AGK: variants seen among roughly 807,000 people sequenced by gnomAD.
AGK encodes the protein acylglycerol kinase, mitochondrial.
AGK carries 52 observed loss-of-function variants against 66.4 expected under a neutral mutation model. The ratio of observed to expected loss-of-function variants is 0.78; its 90% CI spans 0.63 to 0.99. AGK has a LOEUF of 0.99. Ranked by LOEUF, AGK falls within the 50% of genes least tolerant of loss-of-function variation. AGK has a pLI of 0.00. For synonymous variants in AGK, 182 were observed against 181.1 expected (o/e 1.00, Z -0.04); for missense variants, 451 against 506.6 (o/e 0.89, Z 1.05).
chr7:141,597,889 TCAAAAAAAAAAAAAAA>T (rs1796259942), intron 4 of AGK, among the ~76,000 whole-genome samples: 1 of 25,716 alleles, frequency 3.9e-5, no homozygotes, highest in African/African-American at 2.0e-4. Context: ...AGACTCTGTC[TCAAAAAAAAAAAAAAA>T]AAAAAAAAAA....
chr7:141,557,804 T>G (rs1034398901), intron 2 of AGK, among the ~76,000 whole-genome samples: 2 of 152,250 alleles, frequency 1.3e-5, no homozygotes, highest in East Asian at 3.8e-4. Context: ...CAGACTGTTC[T>G]CTTGCATGAT....
At chr7:141,626,774 C>A (rs1315585309) in intron 9 of AGK, among the ~76,000 whole-genome samples, 2 of 152,042 alleles carry the variant, frequency 1.3e-5, no homozygotes, top group Non-Finnish European at 2.9e-5. Flanking sequence ...AACTGCAGTA[C>A]AAGAGCCTGA....
chr7:141,581,926 A>C (rs1795888586), intron 2 of AGK, among the ~76,000 whole-genome samples: 1 of 151,992 alleles, frequency 6.6e-6, no homozygotes, highest in African/African-American at 2.4e-5. Flanking sequence ...CACAACAGTT[A>C]TGGGGGCAAG....
chr7:141,596,491 A>G (rs1159886668), intron 3 of AGK, 71 bp from the exon 4 acceptor site: 3 of 1,381,708 alleles, frequency 2.2e-6, no homozygotes, highest in East Asian at 2.3e-5. Flanking sequence ...TTTTTTTGGA[A>G]TGAAAGAATA....
rs863223894 is a variant in AGK, at chr7:141,651,526, A to G, written c.1048A>G (p.Ser350Gly). Residue 350 changes from serine (S) to glycine (G), a missense_variant and splice_region_variant, in exon 15 of 16, where the codon AGT becomes GGT. Transcript: ENST00000649286. ...ISKGDFITIG[S>G]RKVRNPKLHV... ...GCTTGCTTTTTCCTGTGCTCACAGA[A>G]GTCGAAAGGTGAGAAACCCCAAGCT... 9.9e-6 allele frequency: 16 copies of G among 1,614,206 alleles called. No homozygotes were observed. Among genetic ancestry groups the G allele is most frequent in the Non-Finnish European group, 1.4e-5 (16 of 1,180,010 alleles).
At chr7:141,602,643 T>C (rs1166281472) in intron 5 of AGK, among the ~76,000 whole-genome samples, 5 of 152,094 alleles carry the variant, frequency 3.3e-5, no homozygotes. Flanking sequence ...TTTTGGCTTA[T>C]TGATCCTCTC....
Position 141,641,824 on chromosome 7 carries a change from G to A in AGK, c.891G>A (p.Glu297=). Reference sequence around the variant, plus strand: ...GGATTCCCACAGCCCTTTCCCAAGAGGTGAGCCCGGAGGTCTGGAAAGATG... The same window carrying A: ...GGATTCCCACAGCCCTTTCCCAAGAAGTGAGCCCGGAGGTCTGGAAAGATG... The part of the protein sequence containing the change: ...WAQPQDALSQ[E]VSPEVWKDVQ... Residue 297 remains glutamate (E), a synonymous_variant, in exon 13 of 16, where the codon GAG becomes GAA. Coordinates refer to ENST00000649286, the MANE Select transcript of AGK (RefSeq NM_018238.4). The A allele has an allele frequency of 2.5e-6, 4 of 1,578,644 alleles. No individual in the cohort carries two copies. The highest frequency in any genetic ancestry group is 3.4e-6 in the Non-Finnish European group (4 of 1,161,002).
chr7:141,629,693 T>C (rs757956064), intron 9 of AGK, among the ~76,000 whole-genome samples: 2 of 152,126 alleles, frequency 1.3e-5, no homozygotes, highest in Non-Finnish European at 2.9e-5. Context: ...CATTCTCACC[T>C]TTTGCTAGGA....
At chr7:141,566,540 C>G (rs939397220) in intron 2 of AGK, among the ~76,000 whole-genome samples, 1 of 152,206 alleles carries the variant, frequency 6.6e-6, no homozygotes, top group African/African-American at 2.4e-5. Flanking sequence ...GTTACTCTTT[C>G]AATTTCTACA....
rs891206818 is a variant in AGK, at chr7:141,598,007, CAAGA to C, written c.221+1371_221+1374del. Among the ~76,000 whole-genome samples, 1 of 146,202 alleles carries C rather than the reference CAAGA, an allele frequency of 6.8e-6. No individual in the cohort carries two copies. Among genetic ancestry groups the C allele is most frequent in the African/African-American group, 2.6e-5 (1 of 38,814 alleles). On this transcript the variant is annotated intron_variant, in intron 4 of 15. Coordinates refer to ENST00000649286, the MANE Select transcript of AGK (RefSeq NM_018238.4). This position sits in a 1 kb window ranked among gnomAD's most constrained non-coding sequence, Gnocchi z 4.2. ...GACATTAAGGTAATAAGAACAACAA[CAAGA>C]AAGATAGTTTGGGCTGAATTGTAAG...
chr7:141,610,455 C>A (rs1796561291), intron 5 of AGK, among the ~76,000 whole-genome samples: 1 of 152,034 alleles, frequency 6.6e-6, no homozygotes, highest in Non-Finnish European at 1.5e-5. Context: ...TTATTGGTGG[C>A]TTAAATGGTT....
chr7:141,633,744 T>C (rs1320081334), intron 9 of AGK, among the ~76,000 whole-genome samples, 157 bp from the exon 10 acceptor site: 1 of 152,246 alleles, frequency 6.6e-6, no homozygotes, highest in Non-Finnish European at 1.5e-5. Flanking sequence ...GTATTTTTAC[T>C]AAGCACTCAC....
chr7:141,607,996 AC>A (rs1796500445), intron 5 of AGK, among the ~76,000 whole-genome samples: 2 of 151,868 alleles, frequency 1.3e-5, no homozygotes, highest in South Asian at 4.2e-4. Flanking sequence ...TTATTCATAC[AC>A]CTTTTCACAT....
intron 2 of AGK, among the ~76,000 whole-genome samples, chr7:141,580,265 G>C (rs1343155652): frequency 1.3e-5 from 2 of 151,916 alleles, no homozygotes; most frequent in Non-Finnish European, 2.9e-5. Context: ...AGGTAGTGGA[G>C]TGGGGGCAGA....
chr7:141,591,438 G>T (rs149128291), intron 2 of AGK, among the ~76,000 whole-genome samples: 36 of 152,238 alleles, frequency 2.4e-4, no homozygotes, highest in African/African-American at 8.4e-4. Context: ...ATACTTCCCT[G>T]TGGATGGTGT....
At chr7:141,591,999 T>G (rs975987200) in intron 2 of AGK, among the ~76,000 whole-genome samples, 3 of 152,230 alleles carry the variant, frequency 2.0e-5, no homozygotes, top group African/African-American at 2.4e-5. Flanking sequence ...TGATTTATTG[T>G]CTGACAGTGA....
intron 8 of AGK, among the ~76,000 whole-genome samples, chr7:141,619,689 A>G (rs1796782863): frequency 6.7e-6 from 1 of 150,366 alleles, no homozygotes; most frequent in Admixed American, 6.6e-5. Context: ...AAAAAAGCAA[A>G]CAAAAACCCG....
intron 2 of AGK, among the ~76,000 whole-genome samples, chr7:141,584,717 CATTTG>C (rs1795959358): frequency 6.6e-6 from 1 of 152,310 alleles, no homozygotes; most frequent in South Asian, 2.1e-4. Flanking sequence ...TTGTCCTTTG[CATTTG>C]ATAGTAGAAT....
intron 6 of AGK, among the ~76,000 whole-genome samples, chr7:141,612,306 C>T (rs1796606504): frequency 6.6e-6 from 1 of 152,016 alleles, no homozygotes; most frequent in Non-Finnish European, 1.5e-5. Flanking sequence ...TCAGAGGTTA[C>T]CAGATGTTGA....
Sources: gnomAD v4.1 joint callset for allele counts (sites outside exome capture counted in the v4.1 genomes callset) on GRCh38, gnomAD v4.1.1 for gene constraint, Gnocchi (gnomAD v3.1) non-coding constraint, MANE v1.5 for transcripts, NCBI Gene and HGNC (gene_info 2026-07-23, HGNC 2026-07-21) for gene names.